The following NRK variants were observed in gnomAD, a reference collection of about 807,000 sequenced individuals.
The protein encoded by NRK is Nik related kinase.
Under a neutral mutation model 125.2 loss-of-function variants are expected in NRK, and 67 were observed. That is an observed-to-expected ratio of 0.54 (90% CI 0.44 to 0.66). The LOEUF is 0.66. Ranked by LOEUF, NRK falls within the 30% of genes least tolerant of loss-of-function variation. NRK has a pLI of 0.00. For synonymous variants in NRK, 458 were observed against 429.0 expected (o/e 1.07, Z -0.84); for missense variants, 1,224 against 1,192.9 (o/e 1.03, Z -0.38).
At chrX:105,915,671 A>C in intron 14 of NRK, 59 bp from the exon 15 acceptor site, 1 of 565,688 alleles carries the variant, frequency 1.8e-6, no homozygotes, top group Non-Finnish European at 2.9e-6. Flanking sequence ...CCACAAATTA[A>C]GAGCTCAGTA....
chrX:105,895,288 A>G, intron 6 of NRK, 145 bp from the exon 7 acceptor site: 1 of 547,470 alleles, frequency 1.8e-6, no homozygotes, highest in Non-Finnish European at 3.3e-6. Flanking sequence ...GCCTAAAGAA[A>G]GAATTGTGTC....
intron 2 of NRK, among the ~76,000 whole-genome samples, chrX:105,839,049 A>G (rs975951733): frequency 8.1e-5 from 9 of 111,215 alleles, no homozygotes; most frequent in African/African-American, 2.9e-4. Context: ...GGGAATGGAA[A>G]GGAAGGAAAG....
intron 22 of NRK, 68 bp from the exon 23 acceptor site, chrX:105,939,806 C>G: frequency 1.5e-6 from 1 of 655,232 alleles, no homozygotes; most frequent in Non-Finnish European, 2.1e-6. Context: ...AATATCTTTA[C>G]TTTTTTTTCT....
intron 16 of NRK, among the ~76,000 whole-genome samples, chrX:105,919,222 A>C (rs2040407174): frequency 9.0e-6 from 1 of 110,543 alleles, no homozygotes; most frequent in African/African-American, 3.3e-5. Flanking sequence ...AAAAACATTA[A>C]ACAGGGACCT....
At chrX:105,869,847 C>T (rs1342977271) in intron 2 of NRK, among the ~76,000 whole-genome samples, 2 of 112,331 alleles carry the variant, frequency 1.8e-5, no homozygotes, top group Non-Finnish European at 3.8e-5. Flanking sequence ...TTACATCTGT[C>T]TGAGCAGATG....
At chrX:105,832,497 A>G (rs896005074) in intron 2 of NRK, among the ~76,000 whole-genome samples, 2 of 111,534 alleles carry the variant, frequency 1.8e-5, no homozygotes, top group Non-Finnish European at 3.8e-5. Flanking sequence ...AAACCGGATT[A>G]CTGTCCTTAG....
intron 9 of NRK, among the ~76,000 whole-genome samples, chrX:105,904,922 A>G (rs2040202059): frequency 8.9e-6 from 1 of 112,015 alleles, no homozygotes; most frequent in South Asian, 3.7e-4. Flanking sequence ...CCAATTTTAT[A>G]ACTAAATACC....
intron 14 of NRK, among the ~76,000 whole-genome samples, chrX:105,915,520 A>G (rs1156613008): frequency 9.0e-6 from 1 of 111,472 alleles, no homozygotes; most frequent in East Asian, 2.8e-4. Context: ...ATCTGTTCCT[A>G]TACTAAAGAT....
At chrX:105,872,254 A>C (rs2039757652) in intron 2 of NRK, among the ~76,000 whole-genome samples, 1 of 111,560 alleles carries the variant, frequency 9.0e-6, no homozygotes, top group South Asian at 3.8e-4. Context: ...TAATGAGTAC[A>C]GCCTGTGGCC....
intron 14 of NRK, among the ~76,000 whole-genome samples, chrX:105,913,269 A>T (rs2040325168): frequency 8.9e-6 from 1 of 112,029 alleles, no homozygotes; most frequent in African/African-American, 3.2e-5. Context: ...AAAACTAGAG[A>T]AGTGGAATCT....
At chrX:105,931,609 G>C (rs1025637981) in intron 19 of NRK, among the ~76,000 whole-genome samples, 1 of 110,669 alleles carries the variant, frequency 9.0e-6, no homozygotes, top group African/African-American at 3.3e-5. Context: ...CAGAAGCAGA[G>C]TACCTCACTT....
intron 2 of NRK, among the ~76,000 whole-genome samples, chrX:105,855,936 T>G (rs1314257737): frequency 9.0e-5 from 10 of 111,606 alleles, no homozygotes; most frequent in Non-Finnish European, 1.9e-5. Flanking sequence ...ACCAATTTCT[T>G]TTCAAGTTTG....
In NRK at chrX:105,943,938, T is replaced by C; in HGVS notation, c.3959-3T>C. The C allele has an allele frequency of 3.8e-6, 4 of 1,040,269 alleles. No homozygotes were observed. Among genetic ancestry groups the C allele is most frequent in the Non-Finnish European group, 5.3e-6 (4 of 755,089 alleles). 85.7% of individuals were successfully genotyped at this position (1,040,269 alleles called of 1,213,427 possible). ...GTTACTTTTTTGTGTTTTATCATTA[T>C]AGTCCAACATGAAGAAACAACATAT... On this transcript the variant is annotated splice_region_variant and splice_polypyrimidine_tract_variant and intron_variant, in intron 23 of 28. Transcript: ENST00000243300.
chrX:105,944,304 C>T (rs1182898498), intron 24 of NRK, among the ~76,000 whole-genome samples: 1 of 111,328 alleles, frequency 9.0e-6, no homozygotes, highest in African/African-American at 3.3e-5. Context: ...AGCCATCCTC[C>T]CACCTCAGCC....
At chrX:105,899,989 T>C (rs2040135791) in intron 8 of NRK, among the ~76,000 whole-genome samples, 1 of 110,238 alleles carries the variant, frequency 9.1e-6, no homozygotes, top group African/African-American at 3.3e-5. Context: ...AAAAAGAGAA[T>C]TCAGTAAACC....
chrX:105,926,990 T>C (rs940539506), intron 19 of NRK, among the ~76,000 whole-genome samples: 4 of 111,366 alleles, frequency 3.6e-5, no homozygotes, highest in South Asian at 3.7e-4. Context: ...ATGCAAATTT[T>C]AGGATTTTTT....
intron 23 of NRK, among the ~76,000 whole-genome samples, chrX:105,941,482 C>T (rs2040739494): frequency 9.2e-6 from 1 of 108,381 alleles, no homozygotes; most frequent in Non-Finnish European, 1.9e-5. Context: ...GATTAGTAAT[C>T]ATGCTCCTTT....
chrX:105,825,415 G>A (rs1039866354), intron 1 of NRK, among the ~76,000 whole-genome samples: 2 of 112,062 alleles, frequency 1.8e-5, no homozygotes, highest in Non-Finnish European at 3.8e-5. Context: ...AAACATTGGA[G>A]TTGCAAACTG....
At chrX:105,885,519 A>G (rs1180219857) in intron 4 of NRK, among the ~76,000 whole-genome samples, 5 of 112,439 alleles carry the variant, frequency 4.4e-5, no homozygotes, top group Non-Finnish European at 9.4e-5. Flanking sequence ...AGTGTATTGC[A>G]TCTGTATACA....
Sources: allele counts gnomAD v4.1 joint callset (sites outside exome capture counted in the v4.1 genomes callset), GRCh38; gene constraint gnomAD v4.1.1; transcripts MANE v1.5; gene names NCBI Gene and HGNC (gene_info 2026-07-23, HGNC 2026-07-21).